ARMC5: variants seen among roughly 807,000 people sequenced by gnomAD.
ARMC5 encodes the protein armadillo repeat-containing protein 5.
In ARMC5, 28 loss-of-function variants were observed where a neutral mutation model predicts 60.5. The observed-to-expected ratio is 0.46, with a 90% CI of 0.34 to 0.63. ARMC5 has a LOEUF of 0.63. Ranked by LOEUF, ARMC5 falls within the 30% of genes least tolerant of loss-of-function variation. The pLI, the probability that ARMC5 is intolerant of heterozygous loss-of-function variation, is 0.01. For missense variants in ARMC5, 1,189 were observed against 1,304.9 expected (o/e 0.91, Z 1.37); for synonymous variants, 680 against 607.3 (o/e 1.12, Z -1.76).
upstream of ARMC5, chr16:31,459,094 G>A: frequency 6.7e-7 from 1 of 1,483,336 alleles, no homozygotes; most frequent in Non-Finnish European, 8.9e-7. Flanking sequence ...AGGCCGGGCC[G>A]CACCACCGCT....
In ARMC5 at chr16:31,464,561, C is replaced by T. The variant is rs764616807; in HGVS notation, c.1538C>T (p.Ala513Val). The change falls in exon 4 of 6, where the codon GCC becomes GTC. Residue 513 changes from alanine (A) to valine (V), a missense_variant. Physicochemically the swap from Ala to Val is moderately conservative, Grantham distance 64. Around this residue, in one of 2 missense-constraint regions of ARMC5, gnomAD observed 862 missense variants for 1,071.2 expected, o/e 0.80. Transcript: ENST00000268314. This position sits in a 1 kb window ranked among gnomAD's most constrained non-coding sequence, Gnocchi z 7.6. The stretch of plus-strand genomic sequence containing the variant: ...CGCACTCCGGGCCGCAGCCCCGCCG[C>T]CGCCATCGAGGAGCCTTGGGGACGC... The part of the protein sequence containing the change: ...TQRTPGRSPA[A>V]AIEEPWGREG... The T allele has an allele frequency of 6.3e-7, 1 of 1,583,662 alleles. No homozygotes were observed. Among genetic ancestry groups the T allele is most frequent in the Non-Finnish European group, 8.6e-7 (1 of 1,167,260 alleles).
chr16:31,463,040 C>G, intron 3 of ARMC5, 123 bp downstream of exon 3: 1 of 1,038,766 alleles, frequency 9.6e-7, no homozygotes, highest in South Asian at 1.8e-5. Context: ...ATAACCCAGA[C>G]TCCTGATTCC....
intron 4 of ARMC5, 200 bp downstream of exon 4, chr16:31,465,087 C>T (rs562816336): frequency 1.2e-6 from 2 of 1,614,080 alleles, no homozygotes; most frequent in South Asian, 1.1e-5. Context: ...CTGCTGTGTC[C>T]TCTGCCCTAG....
intron 4 of ARMC5, chr16:31,465,289 GACC>G (rs1476842333): frequency 6.7e-7 from 1 of 1,483,202 alleles, no homozygotes; most frequent in African/African-American, 1.4e-5. Context: ...GCTGTGCCCT[GACC>G]ACAGGCTGCT....
At position 31,465,986 on chromosome 16, in the gene ARMC5, A is replaced by C; in HGVS notation, c.1997+4A>C. 3 of 1,600,676 alleles carry C rather than the reference A, an allele frequency of 1.9e-6. No individual in the cohort carries two copies. The highest frequency in any genetic ancestry group is 2.5e-6 in the Non-Finnish European group (3 of 1,178,066). ...TGACCCTGCCCTTCATCTGCCGGTG[A>C]GTGGGAAGTGGGTGCCTTGCGGGGT... On this transcript the variant is annotated splice_donor_region_variant and intron_variant, in intron 5 of 5. Transcript: ENST00000268314.
chr16:31,458,839 C>G (rs907585227), upstream of ARMC5: 3 of 1,534,182 alleles, frequency 2.0e-6, no homozygotes, highest in South Asian at 3.6e-5. Context: ...GAGTGAAGAA[C>G]TCCCCGTTTC....
In ARMC5 at chr16:31,462,327, T is replaced by C; in HGVS notation, c.780T>C (p.Arg260=). The change falls in exon 3 of 6, where the codon CGT becomes CGC. Residue 260 remains arginine, a synonymous_variant. Coordinates refer to ENST00000268314, the MANE Select transcript of ARMC5 (RefSeq NM_001105247.2). The surrounding 1 kb of genome is among the most constrained non-coding windows in gnomAD (Gnocchi z 7.2). ...PDAALTLALV[R]ALLELSRGCS... ...CTGCACTGACCTTAGCCCTCGTCCG[T>C]GCCCTCCTGGAACTCAGCCGAGGCT... The C allele has an allele frequency of 6.2e-7, 1 of 1,610,924 alleles. No homozygotes were observed.
rs770722746 is a variant in ARMC5, at chr16:31,466,717, G to A, written c.2636G>A (p.Arg879Gln). ...VGEVFRLGRPRLAAHCARWTL... is the reference protein window; with the variant it reads ...VGEVFRLGRPQLAAHCARWTL... ...GAGGTGTTCCGCCTGGGCCGGCCCC[G>A]GCTGGCTGCCCACTGTGCCCGCTGG... is the stretch of plus-strand genomic sequence containing the variant. Residue 879 changes from arginine to glutamine, a missense_variant, in exon 6 of 6, where the codon CGG becomes CAG. Coordinates refer to ENST00000268314, the MANE Select transcript of ARMC5 (RefSeq NM_001105247.2). This position sits in a 1 kb window ranked among gnomAD's most constrained non-coding sequence, Gnocchi z 8.0. 5.1e-6 allele frequency: 8 copies of A among 1,559,476 alleles called. 1 individual carries two copies. Among genetic ancestry groups the A allele is most frequent in the South Asian group, 2.4e-5 (2 of 83,268 alleles).
At chr16:31,461,877 G>C (rs905448397) in intron 1 of ARMC5, 45 bp from the exon 2 acceptor site, 1 of 1,552,034 alleles carries the variant, frequency 6.4e-7, no homozygotes, top group Non-Finnish European at 8.9e-7. Flanking sequence ...TGATGTGAGA[G>C]ACAGTAAGGG....
chr16:31,458,306 C>G, upstream of ARMC5: 1 of 1,207,116 alleles, frequency 8.3e-7, no homozygotes, highest in East Asian at 2.5e-5. Context: ...AGCGGTAAGG[C>G]TTTTAGCGGT....
upstream of ARMC5, chr16:31,459,323 G>A (rs2082276354): frequency 6.5e-7 from 1 of 1,535,126 alleles, no homozygotes; most frequent in Non-Finnish European, 8.7e-7. Context: ...GCACGTCCCA[G>A]GATGCGCTGC....
upstream of ARMC5, chr16:31,458,379 AGGCATAG>A (rs546682038): frequency 2.4e-5 from 37 of 1,534,418 alleles, no homozygotes; most frequent in African/African-American, 4.6e-4. Flanking sequence ...CACTAGGCAC[AGGCATAG>A]GGCCGAAGCG....
chr16:31,459,170 G>T, upstream of ARMC5: 1 of 1,511,898 alleles, frequency 6.6e-7, no homozygotes, highest in Non-Finnish European at 8.8e-7. Flanking sequence ...CGGGGGCGGG[G>T]CACGGCACGA....
rs757625031 is a variant in ARMC5, at chr16:31,459,689, G to A, written c.165G>A (p.Ala55=). Reference sequence around the variant, plus strand: ...TCCGCACGCGCCACATCAAGGCAGCGGGGGGAATCGAGCGCTTCCGGGCAC... The same window carrying A: ...TCCGCACGCGCCACATCAAGGCAGCAGGGGGAATCGAGCGCTTCCGGGCAC... The part of the protein sequence containing the change: ...LALRTRHIKA[A]GGIERFRARG... The change falls in exon 1 of 6, where the codon GCG becomes GCA. Residue 55 remains alanine, a synonymous_variant. Transcript: ENST00000268314. The A allele has an allele frequency of 5.7e-6, 9 of 1,571,100 alleles. No homozygotes were observed. The highest frequency in any genetic ancestry group is 3.4e-5 in the South Asian group (3 of 88,208).
At position 31,465,648 on chromosome 16, in the gene ARMC5, C is replaced by T. The variant is rs2082350039; in HGVS notation, c.1865-202C>T. ...GCCGCCCACACTTCAGGGGCCCAGA[C>T]TTACACCCTGACTGTCCCACCTTCT... is the stretch of plus-strand genomic sequence containing the variant. On this transcript the variant is annotated intron_variant, in intron 4 of 5. Transcript: ENST00000268314. The T allele has an allele frequency of 3.5e-6, 5 of 1,423,160 alleles. No individual in the cohort carries two copies. In the Admixed American group the frequency reaches 1.2e-4, roughly 35 times the overall value. 88.2% of individuals were successfully genotyped at this position (1,423,160 alleles called of 1,614,324 possible).
upstream of ARMC5, chr16:31,458,656 A>G (rs2082268051): frequency 6.9e-7 from 1 of 1,439,438 alleles, no homozygotes; most frequent in South Asian, 1.4e-5. Context: ...GAGCCTGACC[A>G]TTTTCCGGGC....
chr16:31,462,325 C>T lies in ARMC5; in HGVS notation c.778C>T (p.Arg260Cys), dbSNP rs1369874589. 5.6e-6 allele frequency: 9 copies of T among 1,610,686 alleles called. No individual in the cohort carries two copies. Among genetic ancestry groups the T allele is most frequent in the East Asian group, 2.2e-5 (1 of 44,862 alleles). The change falls in exon 3 of 6, where the codon CGT becomes TGT. Residue 260 changes from arginine (R) to cysteine (C), a missense_variant. Arg to Cys is a radical substitution (Grantham distance 180). Coordinates refer to ENST00000268314, the MANE Select transcript of ARMC5 (RefSeq NM_001105247.2). The surrounding 1 kb of genome is among the most constrained non-coding windows in gnomAD (Gnocchi z 7.2). ...TGCTGCACTGACCTTAGCCCTCGTC[C>T]GTGCCCTCCTGGAACTCAGCCGAGG... ...PDAALTLALV[R>C]ALLELSRGCS...
At chr16:31,458,345 G>A, upstream of ARMC5, 1 of 1,485,584 alleles carries the variant, frequency 6.7e-7, no homozygotes, top group Non-Finnish European at 9.1e-7. Context: ...GATCAGGTTG[G>A]AGCTGACGCT....
At chr16:31,460,276 T>G (rs1019662608) in intron 1 of ARMC5, 5 of 455,628 alleles carry the variant, frequency 1.1e-5, no homozygotes, top group Non-Finnish European at 1.9e-5. Flanking sequence ...AAAGAGTTAT[T>G]TGGTGATTTT....
Sources: allele counts gnomAD v4.1 joint callset, GRCh38; gene constraint gnomAD v4.1.1; regional missense constraint gnomAD v4.1.1; non-coding constraint Gnocchi (gnomAD v3.1); transcripts MANE v1.5; gene names NCBI Gene and HGNC (gene_info 2026-07-23, HGNC 2026-07-21).